The following EPHB2 variants were observed in gnomAD, a reference collection of about 807,000 sequenced individuals.
The protein encoded by EPHB2 is ephrin type-B receptor 2.
A neutral mutation model predicts 96.4 loss-of-function variants in EPHB2; 18 were observed. That is an observed-to-expected ratio of 0.19 (90% confidence interval 0.13 to 0.28). The LOEUF (loss-of-function observed/expected upper bound fraction) is 0.28. Ranked by LOEUF, EPHB2 falls within the 10% of genes least tolerant of loss-of-function variation. EPHB2 has a pLI of 1.00. For missense variants in EPHB2, 989 were observed against 1,355.4 expected (o/e 0.73, Z 4.25); for synonymous variants, 506 against 534.1 (o/e 0.95, Z 0.72).
chr1:22,835,222 A>G (rs1645362488), intron 3 of EPHB2, among the ~76,000 whole-genome samples: 1 of 152,120 alleles, frequency 6.6e-6, no homozygotes, highest in Non-Finnish European at 1.5e-5. Flanking sequence ...TCTACAAAAC[A>G]TACAAAAATT....
chr1:22,779,359 G>A (rs1013462044), intron 1 of EPHB2, among the ~76,000 whole-genome samples: 9 of 152,120 alleles, frequency 5.9e-5, no homozygotes, highest in Admixed American at 1.3e-4. Context: ...AGTGACCACA[G>A]GCAGTCATGG....
chr1:22,711,370 CCGG>C (rs2148325559), intron 1 of EPHB2, among the ~76,000 whole-genome samples: 1 of 148,942 alleles, frequency 6.7e-6, no homozygotes, highest in African/African-American at 2.4e-5. Context: ...CCGCCTCGCG[CCGG>C]CCTGGTCTTG....
chr1:22,902,484 A>C (rs1639782322), intron 9 of EPHB2, among the ~76,000 whole-genome samples: 1 of 152,260 alleles, frequency 6.6e-6, no homozygotes, highest in African/African-American at 2.4e-5. Context: ...CCAATACCCC[A>C]AAATTATATG....
intron 3 of EPHB2, among the ~76,000 whole-genome samples, chr1:22,853,164 C>A (rs927803495): frequency 6.6e-6 from 1 of 152,236 alleles, no homozygotes; most frequent in African/African-American, 2.4e-5. Flanking sequence ...TCCTGGCTAA[C>A]ACAGTGAAAT....
intron 6 of EPHB2, among the ~76,000 whole-genome samples, chr1:22,888,454 A>T (rs1327827475): frequency 6.6e-6 from 1 of 152,206 alleles, no homozygotes; most frequent in African/African-American, 2.4e-5. Flanking sequence ...TTAAATCTCC[A>T]AAACCACCTT....
chr1:22,719,933 C>T (rs912798576), intron 1 of EPHB2, among the ~76,000 whole-genome samples: 3 of 152,208 alleles, frequency 2.0e-5, no homozygotes, highest in African/African-American at 4.8e-5. Context: ...TGGCTGGGCT[C>T]AGCTGGGTGC....
At chr1:22,882,131 A>T (rs1380277701) in intron 5 of EPHB2, among the ~76,000 whole-genome samples, 1 of 152,146 alleles carries the variant, frequency 6.6e-6, no homozygotes, top group African/African-American at 2.4e-5. Flanking sequence ...TGAAGTCGTC[A>T]GTGTCTGACC....
Position 22,883,672 on chromosome 1 carries a change from G to A in EPHB2, c.1428+1189G>A, listed in dbSNP as rs556216819. On this transcript the variant is annotated intron_variant, in intron 6 of 15. Coordinates refer to ENST00000374630, the MANE Select transcript of EPHB2 (RefSeq NM_017449.5). ...AGCCCAACTTTCTAGAGCCCAGCCC[G>A]GCCTTCCCACTCTGTTAACTGCTGG... 1.1e-4 allele frequency among the ~76,000 whole-genome samples: 17 copies of A among 152,232 alleles called. No individual in the cohort carries two copies. The South Asian group carries it at 2.3e-3, about 20-fold the overall frequency.
intron 3 of EPHB2, among the ~76,000 whole-genome samples, chr1:22,833,189 C>T (rs1395087977): frequency 6.6e-6 from 1 of 152,094 alleles, no homozygotes; most frequent in Non-Finnish European, 1.5e-5. Context: ...GCAGTCTCGG[C>T]TCGCTGCAAC....
At chr1:22,720,527 T>A (rs1570146998) in intron 1 of EPHB2, among the ~76,000 whole-genome samples, 1 of 152,034 alleles carries the variant, frequency 6.6e-6, no homozygotes, top group African/African-American at 2.4e-5. Flanking sequence ...GCCCCCTTAC[T>A]GGGAGGAGTG....
intron 9 of EPHB2, among the ~76,000 whole-genome samples, chr1:22,898,238 A>C (rs1273392155): frequency 6.6e-6 from 1 of 152,222 alleles, no homozygotes; most frequent in Non-Finnish European, 1.5e-5. Flanking sequence ...GAAAAAGACA[A>C]AGTGGAACAG....
intron 1 of EPHB2, among the ~76,000 whole-genome samples, chr1:22,714,705 C>T (rs749358192): frequency 6.6e-6 from 1 of 152,148 alleles, no homozygotes. Context: ...TGTGTGGTGA[C>T]GTTCAGATGA....
At chr1:22,787,433 T>C (rs945097584) in intron 3 of EPHB2, among the ~76,000 whole-genome samples, 1 of 152,108 alleles carries the variant, frequency 6.6e-6, no homozygotes, top group African/African-American at 2.4e-5. Flanking sequence ...AGAAGGTATA[T>C]TCATTACCTA....
intron 1 of EPHB2, among the ~76,000 whole-genome samples, chr1:22,749,159 T>C (rs1196026783): frequency 6.6e-6 from 1 of 151,958 alleles, no homozygotes; most frequent in African/African-American, 2.4e-5. Flanking sequence ...TAGCTGGGAC[T>C]ACAGGCAGGT....
Position 22,910,380 on chromosome 1 carries a change from A to T in EPHB2, c.2503-2A>T. The T allele has an allele frequency of 6.2e-7, 1 of 1,614,162 alleles. No individual in the cohort carries two copies. The highest frequency in any genetic ancestry group is 8.5e-7 in the Non-Finnish European group (1 of 1,180,000). ...CCCCACTGCACTCCTGCATTGTCCCAGGTAATCAATGCCATTGAGCAGGAC... is the reference window on the plus strand; with the variant it reads ...CCCCACTGCACTCCTGCATTGTCCCTGGTAATCAATGCCATTGAGCAGGAC... On this transcript the variant is annotated splice_acceptor_variant, in intron 13 of 15. Coordinates refer to ENST00000374630, the MANE Select transcript of EPHB2 (RefSeq NM_017449.5). LOFTEE classifies it high-confidence loss of function.
intron 9 of EPHB2, among the ~76,000 whole-genome samples, chr1:22,902,231 G>C (rs1420507985): frequency 6.6e-6 from 1 of 152,168 alleles, no homozygotes. Context: ...GTTAAATATT[G>C]ACAGTTTCAT....
At chr1:22,897,985 TC>T (rs758034504) in intron 9 of EPHB2, among the ~76,000 whole-genome samples, 30 of 151,098 alleles carry the variant, frequency 2.0e-4, no homozygotes, top group Non-Finnish European at 3.1e-4. Context: ...CGTCTGTAGT[TC>T]CAGCTACTTG....
intron 3 of EPHB2, among the ~76,000 whole-genome samples, chr1:22,796,405 T>C (rs1644767585): frequency 6.6e-6 from 1 of 152,016 alleles, no homozygotes; most frequent in Non-Finnish European, 1.5e-5. Flanking sequence ...CTGGTGGAGG[T>C]TGGTTTAAGT....
At position 22,796,289 on chromosome 1, in the gene EPHB2, G is replaced by T. The variant is rs557270939; in HGVS notation, c.811+11213G>T. On this transcript the variant is annotated intron_variant, in intron 3 of 15. Coordinates refer to ENST00000374630, the MANE Select transcript of EPHB2 (RefSeq NM_017449.5). ...GCTGCGTAGCCCCCATGGCTGGGGG[G>T]CCAGGGGTTATCCTGCGGGGTGGGC... Among the ~76,000 whole-genome samples, 56 of 152,272 alleles carry T rather than the reference G, an allele frequency of 3.7e-4. 1 individual carries two copies. Among genetic ancestry groups the T allele is most frequent in the African/African-American group, 1.3e-3 (54 of 41,562 alleles).
Sources: gnomAD v4.1 joint callset for allele counts (sites outside exome capture counted in the v4.1 genomes callset) on GRCh38, gnomAD v4.1.1 for gene constraint, MANE v1.5 for transcripts, NCBI Gene and HGNC (gene_info 2026-07-23, HGNC 2026-07-21) for gene names.